Variants in ZHX2 observed in about 807,000 individuals in gnomAD.
ZHX2 encodes zinc fingers and homeoboxes 2, also known as zinc fingers and homeoboxes protein 2.
In ZHX2, 6 loss-of-function variants were observed where a neutral mutation model predicts 21.9. The ratio of observed to expected loss-of-function variants is 0.27; its 90% CI spans 0.15 to 0.54. The LOEUF (loss-of-function observed/expected upper bound fraction) is 0.54. ZHX2 is among the 20% of genes least tolerant of loss of function. ZHX2 has a pLI of 0.95. For missense variants in ZHX2, 908 were observed against 1,090.7 expected, an observed-to-expected ratio of 0.83 and a Z score of 2.36; for synonymous variants, 434 against 437.1, an observed-to-expected ratio of 0.99 and a Z score of 0.09.
chr8:122,816,022 GT>G (rs1362695358), intron 1 of ZHX2, among the ~76,000 whole-genome samples: 1 of 148,302 alleles, frequency 6.7e-6, no homozygotes, highest in East Asian at 2.0e-4. Context: ...GGAGGTTGCA[GT>G]GAGCCAAGAT....
chr8:122,898,349 G>A (rs565665338), intron 2 of ZHX2, among the ~76,000 whole-genome samples: 2 of 152,230 alleles, frequency 1.3e-5, no homozygotes, highest in African/African-American at 4.8e-5. Flanking sequence ...GTGGTGGTGC[G>A]ATTCATCAGT....
chr8:122,875,186 T>C lies in ZHX2; in HGVS notation c.-220+11647T>C, dbSNP rs1216592126. Among the ~76,000 whole-genome samples, 7 of 80,500 alleles carry C rather than the reference T, an allele frequency of 8.7e-5. 1 individual carries two copies. The highest frequency in any genetic ancestry group is 9.7e-4 in the East Asian group (2 of 2,068). The allele number at this position is 80,500 out of a possible 152,430, so 52.8% of individuals were successfully genotyped here. A position where few individuals can be genotyped will look rare whatever the true frequency, so the allele number is the denominator to read the frequency against. On this transcript the variant is annotated intron_variant, in intron 2 of 3. Transcript: ENST00000314393. ...ATATATATATATATATATATATATA[T>C]ATATATATCCTTTTACTTTGCCTTC...
At chr8:122,880,619 AC>A (rs1819690346) in intron 2 of ZHX2, among the ~76,000 whole-genome samples, 1 of 152,038 alleles carries the variant, frequency 6.6e-6, no homozygotes, top group Non-Finnish European at 1.5e-5. Context: ...TACTAAAAAT[AC>A]AAAAATTAGC....
intron 2 of ZHX2, among the ~76,000 whole-genome samples, chr8:122,870,651 AAAAAAAAAAAAAAAAG>A (rs1244784400): frequency 6.9e-6 from 1 of 144,160 alleles, no homozygotes; most frequent in Non-Finnish European, 1.5e-5. Flanking sequence ...AAAAAAAAAA[AAAAAAAAAAAAAAAAG>A]AAAGAGAAAG....
At chr8:122,917,632 A>T (rs1158140523) in intron 2 of ZHX2, among the ~76,000 whole-genome samples, 2 of 152,232 alleles carry the variant, frequency 1.3e-5, no homozygotes, top group East Asian at 3.8e-4. Flanking sequence ...ATAAGGCCGC[A>T]GTCAGAACTG....
At chr8:122,798,597 A>G (rs1405858510) in intron 1 of ZHX2, among the ~76,000 whole-genome samples, 1 of 152,132 alleles carries the variant, frequency 6.6e-6, no homozygotes, top group Non-Finnish European at 1.5e-5. Context: ...GTTCAAGACC[A>G]TCCTGGCCAA....
chr8:122,818,226 TAA>T (rs1818072497), intron 1 of ZHX2, among the ~76,000 whole-genome samples: 1 of 151,744 alleles, frequency 6.6e-6, no homozygotes, highest in East Asian at 1.9e-4. Context: ...TGGGTTTTTG[TAA>T]AGAGAGAGTT....
chr8:122,905,528 T>G (rs1651396924), intron 2 of ZHX2, among the ~76,000 whole-genome samples: 1 of 152,186 alleles, frequency 6.6e-6, no homozygotes, highest in Non-Finnish European at 1.5e-5. Context: ...CTAAGAAAAT[T>G]CTCTAAACAG....
intron 2 of ZHX2, among the ~76,000 whole-genome samples, chr8:122,887,451 G>A (rs1034946840): frequency 6.6e-6 from 1 of 152,112 alleles, no homozygotes; most frequent in Non-Finnish European, 1.5e-5. Flanking sequence ...CTGGGAGGCA[G>A]AGGTTGCAGT....
In ZHX2 at chr8:122,951,947, G is replaced by T. The variant is rs199651758; in HGVS notation, c.437G>T (p.Arg146Leu). Residue 146 changes from arginine to leucine, a missense_variant, in exon 3 of 4, where the codon CGC becomes CTC. Coordinates refer to ENST00000314393, the MANE Select transcript of ZHX2 (RefSeq NM_014943.5). ...EANFKLKLIKRNNQTVLEQSI... is the reference protein window; with the variant it reads ...EANFKLKLIKLNNQTVLEQSI... ...AACTTCAAGCTGAAGTTAATTAAAC[G>T]CAATAATCAAACTGTCTTGGAACAG... is the stretch of plus-strand genomic sequence containing the variant. 6.2e-7 allele frequency: 1 copy of T among 1,613,800 alleles called. No individual in the cohort carries two copies. The highest frequency in any genetic ancestry group is 8.5e-7 in the Non-Finnish European group (1 of 1,179,994).
At chr8:122,912,092 C>T (rs898929640) in intron 2 of ZHX2, among the ~76,000 whole-genome samples, 3 of 152,210 alleles carry the variant, frequency 2.0e-5, no homozygotes, top group Non-Finnish European at 4.4e-5. Flanking sequence ...CACATTTTTG[C>T]AAACTGGGTT....
intron 2 of ZHX2, among the ~76,000 whole-genome samples, chr8:122,919,303 G>A (rs574286648): frequency 5.6e-4 from 85 of 152,200 alleles, no homozygotes; most frequent in Admixed American, 1.8e-3. Context: ...ATTCATAATC[G>A]GTGCACAGTA....
chr8:122,854,061 C>A (rs986839294), intron 1 of ZHX2, among the ~76,000 whole-genome samples: 1 of 152,170 alleles, frequency 6.6e-6, no homozygotes, highest in Non-Finnish European at 1.5e-5. Context: ...TCAGGCCGAG[C>A]CTCCCGGGCC....
chr8:122,848,073 G>T (rs1028947450), intron 1 of ZHX2, among the ~76,000 whole-genome samples: 3 of 152,190 alleles, frequency 2.0e-5, no homozygotes. Context: ...CTCTCCTTTG[G>T]TCGGCTCAGT....
intron 2 of ZHX2, among the ~76,000 whole-genome samples, chr8:122,875,146 T>TCC (rs1819537550): frequency 2.3e-4 from 1 of 4,410 alleles, no homozygotes; most frequent in Non-Finnish European, 5.4e-4. Flanking sequence ...TATATATATA[T>TCC]ATATATATAT....
intron 1 of ZHX2, among the ~76,000 whole-genome samples, chr8:122,783,648 G>T (rs546822178): frequency 6.6e-6 from 1 of 152,160 alleles, no homozygotes; most frequent in East Asian, 1.9e-4. Context: ...CACTCCCAGG[G>T]CAGTAATGTC....
At chr8:122,944,597 C>T (rs968961046) in intron 2 of ZHX2, among the ~76,000 whole-genome samples, 1 of 152,170 alleles carries the variant, frequency 6.6e-6, no homozygotes. Context: ...GTGTTCCCTG[C>T]CTTACTCTCC....
intron 2 of ZHX2, among the ~76,000 whole-genome samples, chr8:122,882,266 A>C (rs374844556): frequency 6.6e-6 from 1 of 151,982 alleles, no homozygotes; most frequent in East Asian, 1.9e-4. Context: ...ATTGTTCCTG[A>C]ATGGAAACAA....
intron 2 of ZHX2, among the ~76,000 whole-genome samples, chr8:122,888,889 T>A (rs897722976): frequency 6.6e-6 from 1 of 152,158 alleles, no homozygotes; most frequent in Non-Finnish European, 1.5e-5. Flanking sequence ...CCTCTCCCTA[T>A]CCCCTCTTTT....
Sources: allele counts gnomAD v4.1 joint callset (sites outside exome capture counted in the v4.1 genomes callset), GRCh38; gene constraint gnomAD v4.1.1; transcripts MANE v1.5; gene names NCBI Gene and HGNC (gene_info 2026-07-23, HGNC 2026-07-21).